MSRA: variants seen among roughly 807,000 people sequenced by gnomAD.
MSRA encodes methionine sulfoxide reductase A, also known as mitochondrial peptide methionine sulfoxide reductase.
A neutral mutation model predicts 31.3 loss-of-function variants in MSRA; 54 were observed. The observed-to-expected ratio is 1.73, with a 90% CI of 1.39 to 2.17. The LOEUF is 2.17. MSRA is among the 30% of genes most tolerant of loss of function. MSRA has a pLI of 0.00. For synonymous variants in MSRA, 169 were observed against 116.5 expected (o/e 1.45, Z -2.90); for missense variants, 507 against 300.9 (o/e 1.69, Z -5.07).
chr8:10,426,186 A>C (rs1362229828), intron 5 of MSRA, among the ~76,000 whole-genome samples: 1 of 152,158 alleles, frequency 6.6e-6, no homozygotes, highest in African/African-American at 2.4e-5. Flanking sequence ...AGCCAACCCC[A>C]CGTGCTCATT....
Position 10,152,121 on chromosome 8 carries a change from T to C in MSRA, c.143-55712T>C, listed in dbSNP as rs1803731883. Among the ~76,000 whole-genome samples the C allele has an allele frequency of 2.0e-5, 3 of 152,342 alleles. No individual in the cohort carries two copies. The South Asian group carries it at 6.2e-4, about 32-fold the overall frequency. Reference sequence around the variant, plus strand: ...TATCACATGTAGTTGTGAACATATATTTGTGTGTGTATTGCAGTGGAAAAT... The same window carrying C: ...TATCACATGTAGTTGTGAACATATACTTGTGTGTGTATTGCAGTGGAAAAT... On this transcript the variant is annotated intron_variant, in intron 1 of 5. Coordinates refer to ENST00000317173, the MANE Select transcript of MSRA (RefSeq NM_012331.5).
At chr8:10,205,105 G>C (rs1002710526) in intron 1 of MSRA, among the ~76,000 whole-genome samples, 1 of 151,968 alleles carries the variant, frequency 6.6e-6, no homozygotes, top group Non-Finnish European at 1.5e-5. Context: ...TGAGAGTCAT[G>C]GGATGCCATG....
chr8:10,160,475 A>G (rs556020672), intron 1 of MSRA, among the ~76,000 whole-genome samples: 376 of 152,174 alleles, frequency 2.5e-3, no homozygotes, highest in African/African-American at 8.4e-3. Flanking sequence ...AGCCTGGGCA[A>G]CAGAGCGAGA....
At chr8:10,239,344 G>A (rs1381280455) in intron 2 of MSRA, among the ~76,000 whole-genome samples, 1 of 152,060 alleles carries the variant, frequency 6.6e-6, no homozygotes, top group Non-Finnish European at 1.5e-5. Flanking sequence ...GTGTTTTTAG[G>A]AGAGACGGGG....
At chr8:10,127,711 C>T (rs1375081779) in intron 1 of MSRA, among the ~76,000 whole-genome samples, 2 of 152,170 alleles carry the variant, frequency 1.3e-5, no homozygotes, top group African/African-American at 4.8e-5. Flanking sequence ...GTTACCTTAG[C>T]TAACTTGATC....
intron 1 of MSRA, among the ~76,000 whole-genome samples, chr8:10,126,943 C>G (rs192861092): frequency 6.6e-6 from 1 of 152,194 alleles, no homozygotes; most frequent in South Asian, 2.1e-4. Context: ...CAGTAGTGCT[C>G]GCTCACCTGC....
intron 1 of MSRA, among the ~76,000 whole-genome samples, chr8:10,172,445 AG>A (rs140384081): frequency 0.019 from 2,915 of 152,178 alleles, 86 homozygotes; most frequent in African/African-American, 0.066. Flanking sequence ...TGGAAGTAGC[AG>A]GGCAGGGGAG....
chr8:10,134,708 A>G (rs914177603), intron 1 of MSRA, among the ~76,000 whole-genome samples: 2 of 152,190 alleles, frequency 1.3e-5, no homozygotes, highest in African/African-American at 4.8e-5. Flanking sequence ...TGCTTTAGAG[A>G]GGTATTAGTG....
intron 5 of MSRA, among the ~76,000 whole-genome samples, chr8:10,367,138 C>T (rs1216030246): frequency 6.6e-6 from 1 of 152,166 alleles, no homozygotes; most frequent in Non-Finnish European, 1.5e-5. Flanking sequence ...GTCCTGAGAC[C>T]TGACTCATCC....
intron 1 of MSRA, among the ~76,000 whole-genome samples, chr8:10,108,806 A>ATT (rs11450322): frequency 1.4e-4 from 21 of 149,086 alleles, no homozygotes; most frequent in East Asian, 3.9e-4. Flanking sequence ...TTGTTGGGAA[A>ATT]TTTTTTTTTT....
At chr8:10,083,718 A>C (rs935563211) in intron 1 of MSRA, among the ~76,000 whole-genome samples, 1 of 152,090 alleles carries the variant, frequency 6.6e-6, no homozygotes, top group African/African-American at 2.4e-5. Flanking sequence ...TTTATCTGCT[A>C]TCCTGTTTTT....
At chr8:10,110,023 G>T (rs749456341) in intron 1 of MSRA, among the ~76,000 whole-genome samples, 3 of 152,052 alleles carry the variant, frequency 2.0e-5, no homozygotes, top group Non-Finnish European at 4.4e-5. Context: ...CCACATCCCA[G>T]ATTTCAGTCC....
At chr8:10,107,478 A>T (rs958568401) in intron 1 of MSRA, among the ~76,000 whole-genome samples, 1 of 152,056 alleles carries the variant, frequency 6.6e-6, no homozygotes, top group African/African-American at 2.4e-5. Context: ...CCATAATGAG[A>T]TATTCTGTGC....
chr8:10,383,358 A>G (rs948479671), intron 5 of MSRA, among the ~76,000 whole-genome samples: 2 of 152,170 alleles, frequency 1.3e-5, no homozygotes, highest in South Asian at 2.1e-4. Context: ...CACCTCGCAC[A>G]GGGTCAGTTT....
At chr8:10,158,039 T>G (rs532438652) in intron 1 of MSRA, among the ~76,000 whole-genome samples, 2 of 152,302 alleles carry the variant, frequency 1.3e-5, no homozygotes, top group African/African-American at 4.8e-5. Flanking sequence ...CCAGCAGATT[T>G]GGTGTCTGAT....
intron 5 of MSRA, among the ~76,000 whole-genome samples, chr8:10,389,107 G>A (rs976433330): frequency 7.9e-5 from 12 of 152,056 alleles, no homozygotes; most frequent in African/African-American, 1.4e-4. Context: ...CAAAAAATTC[G>A]TAACCTCCGG....
chr8:10,282,047 C>A (rs1375064169), intron 3 of MSRA, among the ~76,000 whole-genome samples: 1 of 152,064 alleles, frequency 6.6e-6, no homozygotes, highest in Non-Finnish European at 1.5e-5. Flanking sequence ...CCAGACTCTC[C>A]CCCCACGTAC....
intron 1 of MSRA, among the ~76,000 whole-genome samples, chr8:10,080,164 C>G (rs995531399): frequency 6.6e-6 from 1 of 152,166 alleles, no homozygotes; most frequent in Non-Finnish European, 1.5e-5. Flanking sequence ...GCCTAGCAGA[C>G]TGGTTGCTAA....
chr8:10,301,705 G>A (rs1800859096), intron 4 of MSRA, 67 bp downstream of exon 4: 1 of 1,298,092 alleles, frequency 7.7e-7, no homozygotes, highest in Admixed American at 1.8e-5. Flanking sequence ...TAGTGTTTGA[G>A]CTGCATGGAA....
Sources: gnomAD v4.1 joint callset for allele counts (sites outside exome capture counted in the v4.1 genomes callset) on GRCh38, gnomAD v4.1.1 for gene constraint, MANE v1.5 for transcripts, NCBI Gene and HGNC (gene_info 2026-07-23, HGNC 2026-07-21) for gene names.